The following DNM3 variants were observed in gnomAD, a reference collection of about 807,000 sequenced individuals.
DNM3 encodes the protein dynamin 3, also known as dynamin-3.
Under a neutral mutation model 101.6 loss-of-function variants are expected in DNM3, and 47 were observed. That is an observed-to-expected ratio of 0.46 (90% CI 0.37 to 0.59). The LOEUF is 0.59. Ranked by LOEUF, DNM3 falls within the 20% of genes least tolerant of loss-of-function variation. The pLI is 0.00. For missense variants in DNM3, 849 were observed against 1,085.7 expected (o/e 0.78, Z 3.06); for synonymous variants, 385 against 387.9 (o/e 0.99, Z 0.09).
intron 14 of DNM3, among the ~76,000 whole-genome samples, chr1:172,246,338 C>T (rs2061951969): frequency 6.6e-6 from 1 of 151,864 alleles, no homozygotes; most frequent in Admixed American, 6.6e-5. Context: ...CAGAGGAGCT[C>T]CACTTTTTAA....
intron 2 of DNM3, among the ~76,000 whole-genome samples, chr1:171,939,507 C>T: frequency 6.6e-6 from 1 of 152,082 alleles, no homozygotes; most frequent in East Asian, 1.9e-4. Flanking sequence ...TCCATTTGGT[C>T]CATGTAATGT....
At chr1:172,201,709 G>A (rs994233686) in intron 14 of DNM3, among the ~76,000 whole-genome samples, 3 of 152,194 alleles carry the variant, frequency 2.0e-5, no homozygotes, top group Non-Finnish European at 4.4e-5. Context: ...CACTGCAAAG[G>A]CAATGGCAGA....
At chr1:172,325,702 A>T (rs1216594468) in intron 17 of DNM3, among the ~76,000 whole-genome samples, 2 of 152,166 alleles carry the variant, frequency 1.3e-5, no homozygotes, top group Admixed American at 1.3e-4. Flanking sequence ...CCCATGCTGG[A>T]ATGCTTGTTC....
intron 16 of DNM3, among the ~76,000 whole-genome samples, chr1:172,318,741 C>T (rs1297926404): frequency 1.3e-5 from 2 of 152,056 alleles, no homozygotes; most frequent in Non-Finnish European, 2.9e-5. Context: ...TAAAAGAGGA[C>T]ACAAACAAAT....
Position 171,922,353 on chromosome 1 carries a change from AT to A in DNM3, c.235+541del, listed in dbSNP as rs202066802. Reference sequence around the variant, plus strand: ...TTATTTCAGCAACTGATGATGTTGAATTTTTTTTTCATGTTTATTTGCCATT... The same window carrying A: ...TTATTTCAGCAACTGATGATGTTGAATTTTTTTTCATGTTTATTTGCCATT... On this transcript the variant is annotated intron_variant, in intron 2 of 20. Coordinates refer to ENST00000627582, the MANE Select transcript of DNM3 (RefSeq NM_015569.5). Among the ~76,000 whole-genome samples, 358 of 150,842 alleles carry A rather than the reference AT, an allele frequency of 2.4e-3. 8 individuals carry two copies. Among genetic ancestry groups the A allele is most frequent in the African/African-American group, 7.8e-3 (318 of 41,024 alleles).
chr1:172,241,334 C>A (rs937641204), intron 14 of DNM3, among the ~76,000 whole-genome samples: 3 of 151,342 alleles, frequency 2.0e-5, no homozygotes, highest in African/African-American at 7.3e-5. Context: ...ACTGCATAAA[C>A]GTATGGCATA....
intron 1 of DNM3, among the ~76,000 whole-genome samples, chr1:171,891,693 T>TC (rs1292045049): frequency 6.6e-6 from 1 of 152,228 alleles, no homozygotes; most frequent in Non-Finnish European, 1.5e-5. Context: ...TTGAGATTTC[T>TC]CTGATGTTTT....
chr1:171,984,315 G>A (rs759817514), intron 2 of DNM3, among the ~76,000 whole-genome samples: 1 of 152,034 alleles, frequency 6.6e-6, no homozygotes, highest in African/African-American at 2.4e-5. Context: ...CTCACTCAGC[G>A]AAAAATCAAA....
intron 2 of DNM3, among the ~76,000 whole-genome samples, chr1:171,975,901 T>C (rs1242819582): frequency 6.6e-6 from 1 of 152,208 alleles, no homozygotes; most frequent in East Asian, 1.9e-4. Context: ...GAGTTCAGGC[T>C]GTACAGTGCT....
intron 14 of DNM3, among the ~76,000 whole-genome samples, chr1:172,164,232 C>CTTTTTTTTTT (rs3980440): frequency 1.6e-5 from 2 of 126,644 alleles, no homozygotes; most frequent in Non-Finnish European, 1.6e-5. Flanking sequence ...CTTTTCTTTT[C>CTTTTTTTTTT]TTTTTTTTTT....
intron 14 of DNM3, among the ~76,000 whole-genome samples, chr1:172,243,798 T>A (rs140865539): frequency 2.0e-5 from 3 of 152,280 alleles, no homozygotes; most frequent in Middle Eastern, 3.4e-3. Context: ...GGAATTAAAA[T>A]CCAAATAAAA....
chr1:172,164,897 A>G (rs2058693393), intron 14 of DNM3, among the ~76,000 whole-genome samples: 1 of 152,036 alleles, frequency 6.6e-6, no homozygotes, highest in Non-Finnish European at 1.5e-5. Context: ...GCTGGGCTAC[A>G]CTGCAGTTCT....
At chr1:171,890,881 G>GT (rs1302897392) in intron 1 of DNM3, among the ~76,000 whole-genome samples, 1 of 152,042 alleles carries the variant, frequency 6.6e-6, no homozygotes, top group Non-Finnish European at 1.5e-5. Flanking sequence ...ACTGGACATG[G>GT]TTTCTTGAAC....
At chr1:172,274,839 T>A (rs2063220341) in intron 15 of DNM3, among the ~76,000 whole-genome samples, 1 of 151,562 alleles carries the variant, frequency 6.6e-6, no homozygotes, top group Non-Finnish European at 1.5e-5. Flanking sequence ...TCAGCAGCAC[T>A]CAAACTGGTC....
chr1:172,331,634 G>A (rs1442204607), intron 17 of DNM3, among the ~76,000 whole-genome samples: 2 of 152,170 alleles, frequency 1.3e-5, no homozygotes, highest in African/African-American at 4.8e-5. Flanking sequence ...GGTATAAAGT[G>A]TCTGGTTCCT....
chr1:172,044,399 G>A lies in DNM3; in HGVS notation c.1143G>A (p.Glu381=). 6.8e-6 allele frequency: 11 copies of A among 1,607,892 alleles called. No homozygotes were observed. Among genetic ancestry groups the A allele is most frequent in the Admixed American group, 1.7e-5 (1 of 59,332 alleles). The change falls in exon 9 of 21, where the codon GAG becomes GAA. Residue 381 remains glutamate (E), a synonymous_variant. Coordinates refer to ENST00000627582, the MANE Select transcript of DNM3 (RefSeq NM_015569.5). ...TGCATCTGCAGATGGAGTTCAATGAGAAAGAATTGCGAAGAGAAATAAGCT... is the reference window on the plus strand; with the variant it reads ...TGCATCTGCAGATGGAGTTCAATGAAAAAGAATTGCGAAGAGAAATAAGCT... ...PFEIVKMEFN[E]KELRREISYA...
rs2071269000 is a variant in DNM3 at position 172,412,521 on chromosome 1, T to C, written c.*4680T>C. On this transcript the variant is annotated 3_prime_UTR_variant, in exon 21 of 21. Transcript: ENST00000627582. ...AATCTTGTCTTCTCTGCTGATTCTT[T>C]AATTAATATGAGCCGGATACTTTCC... The C allele has an allele frequency of 4.3e-5, 42 of 985,648 alleles. No individual in the cohort carries two copies. The highest frequency in any genetic ancestry group is 4.9e-5 in the Non-Finnish European group (41 of 829,854). The allele number at this position is 985,648 out of a possible 1,614,324, so 61.1% of individuals were successfully genotyped here. A position where few individuals can be genotyped will look rare whatever the true frequency, so the allele number is the denominator to read the frequency against.
intron 2 of DNM3, among the ~76,000 whole-genome samples, chr1:171,930,027 G>T (rs530324351): frequency 6.6e-6 from 1 of 152,214 alleles, no homozygotes; most frequent in Admixed American, 6.5e-5. Context: ...ATACAGGTGT[G>T]GGTGTCTGCA....
At chr1:171,992,517 G>C (rs1260861412) in intron 4 of DNM3, among the ~76,000 whole-genome samples, 1 of 151,954 alleles carries the variant, frequency 6.6e-6, no homozygotes, top group African/African-American at 2.4e-5. Context: ...CATAGGCTTG[G>C]CTTATTTACA....
Sources: gnomAD v4.1 joint callset for allele counts (sites outside exome capture counted in the v4.1 genomes callset) on GRCh38, gnomAD v4.1.1 for gene constraint, MANE v1.5 for transcripts, NCBI Gene and HGNC (gene_info 2026-07-23, HGNC 2026-07-21) for gene names.